Variants in CDH4 observed in about 807,000 individuals in gnomAD.
The protein encoded by CDH4 is cadherin 4, also known as cadherin-4.
CDH4 carries 33 observed loss-of-function variants against 86.0 expected under a neutral mutation model. The ratio of observed to expected loss-of-function variants is 0.38; its 90% CI spans 0.29 to 0.51. The LOEUF is 0.51. Among genes scored for constraint, CDH4 ranks in the 20% least tolerant of loss-of-function variants. CDH4 has a pLI of 0.86. For synonymous variants in CDH4, 555 were observed against 549.4 expected, an observed-to-expected ratio of 1.01 and a Z score of -0.14; for missense variants, 1,114 against 1,307.4, an observed-to-expected ratio of 0.85 and a Z score of 2.28.
rs1325820686 is a variant in CDH4 at position 61,852,792 on chromosome 20, G to A, written c.771G>A (p.Val257=). The A allele has an allele frequency of 1.7e-5, 28 of 1,613,866 alleles. No homozygotes were observed. Among genetic ancestry groups the A allele is most frequent in the Non-Finnish European group, 2.3e-5 (27 of 1,179,928 alleles). Residue 257 remains valine (V), a synonymous_variant, in exon 6 of 16, where the codon GTG becomes GTA. Coordinates refer to ENST00000614565, the MANE Select transcript of CDH4 (RefSeq NM_001794.5). ...CTGTGGACATGAATGGCAACAAGGT[G>A]GAGAACCCCATCGACCTGTACATCT... The part of the protein sequence containing the change: ...AHAVDMNGNK[V]ENPIDLYIYV...
chr20:61,274,099 G>C (rs2084208133), intron 2 of CDH4, among the ~76,000 whole-genome samples: 1 of 135,534 alleles, frequency 7.4e-6, no homozygotes, highest in African/African-American at 2.8e-5. Flanking sequence ...GTTTTGGGGA[G>C]TACTGTGTGC....
rs1049258997 is a variant in CDH4, at chr20:61,623,186, C to T, written c.170-120377C>T. 1.3e-5 allele frequency among the ~76,000 whole-genome samples: 2 copies of T among 152,150 alleles called. No homozygotes were observed. Among genetic ancestry groups the T allele is most frequent in the Admixed American group, 6.5e-5 (1 of 15,280 alleles). The stretch of plus-strand genomic sequence containing the variant: ...AGTAGAAGGGCCTGGGTTCAAATCT[C>T]GACCCTGCCTATGCCAGCCGCTGGC... On this transcript the variant is annotated intron_variant, in intron 2 of 15. Coordinates refer to ENST00000614565, the MANE Select transcript of CDH4 (RefSeq NM_001794.5). The surrounding 1 kb of genome is among the most constrained non-coding windows in gnomAD (Gnocchi z 4.4).
rs970664463 is a variant in CDH4 at position 61,566,896 on chromosome 20, C to A, written c.170-176667C>A. Among the ~76,000 whole-genome samples the A allele has an allele frequency of 2.6e-5, 4 of 152,028 alleles. No individual in the cohort carries two copies. In the East Asian group the frequency reaches 7.8e-4, roughly 29 times the overall value. On this transcript the variant is annotated intron_variant, in intron 2 of 15. Transcript: ENST00000614565. ...GATGGCACGCGGCTCACAGATAATG[C>A]GGGAATGGACTGCGTGTCTTCCTCC... is the stretch of plus-strand genomic sequence containing the variant.
At chr20:61,365,142 G>C (rs1185587431) in intron 2 of CDH4, among the ~76,000 whole-genome samples, 1 of 152,186 alleles carries the variant, frequency 6.6e-6, no homozygotes, top group Non-Finnish European at 1.5e-5. Context: ...CAACTCTACT[G>C]TGTGCTTGGT....
At chr20:61,778,923 G>T (rs890433653) in intron 4 of CDH4, among the ~76,000 whole-genome samples, 1 of 152,190 alleles carries the variant, frequency 6.6e-6, no homozygotes, top group Non-Finnish European at 1.5e-5. Context: ...CGGGCACTGG[G>T]GCTTCAGGGG....
At chr20:61,586,537 G>C (rs2086477192) in intron 2 of CDH4, among the ~76,000 whole-genome samples, 1 of 152,192 alleles carries the variant, frequency 6.6e-6, no homozygotes, top group South Asian at 2.1e-4. Flanking sequence ...GTAACTCAAA[G>C]GCAGATGCCC....
rs146605746 is a variant in CDH4, at chr20:61,297,921, G to A, written c.169+42984G>A. 2.0e-4 allele frequency among the ~76,000 whole-genome samples: 30 copies of A among 152,338 alleles called. No individual in the cohort carries two copies. In the East Asian group the frequency reaches 3.1e-3, roughly 16 times the overall value. On this transcript the variant is annotated intron_variant, in intron 2 of 15. Coordinates refer to ENST00000614565, the MANE Select transcript of CDH4 (RefSeq NM_001794.5). ...AATCGGGCAGTGCTCGCCTGTGGCC[G>A]TGGAGGTATCTGCGCCACCGCAAAA...
At chr20:61,398,146 G>A (rs1205055330) in intron 2 of CDH4, among the ~76,000 whole-genome samples, 3 of 152,164 alleles carry the variant, frequency 2.0e-5, no homozygotes, top group Non-Finnish European at 4.4e-5. Context: ...GCATTCAAGC[G>A]TATCAGTCTT....
intron 7 of CDH4, among the ~76,000 whole-genome samples, chr20:61,890,796 G>C (rs1817747191): frequency 1.3e-5 from 2 of 152,202 alleles, no homozygotes; most frequent in South Asian, 4.2e-4. Context: ...AGCTCTGTTA[G>C]ACACGACTCA....
chr20:61,858,883 G>A (rs1352018696), intron 6 of CDH4, among the ~76,000 whole-genome samples: 1 of 152,098 alleles, frequency 6.6e-6, no homozygotes, highest in African/African-American at 2.4e-5. Context: ...TCCTGCATGG[G>A]GTCTCGTGTG....
intron 2 of CDH4, among the ~76,000 whole-genome samples, chr20:61,666,631 G>A (rs779756474): frequency 6.6e-6 from 1 of 152,232 alleles, no homozygotes; most frequent in Non-Finnish European, 1.5e-5. Context: ...TGCTTCCGGA[G>A]GGCCAGCCCA....
intron 2 of CDH4, among the ~76,000 whole-genome samples, chr20:61,504,497 A>G (rs928247813): frequency 6.6e-5 from 10 of 152,042 alleles, no homozygotes; most frequent in African/African-American, 2.4e-4. Flanking sequence ...AACGGGGGGC[A>G]GGGGGTGGCT....
intron 2 of CDH4, among the ~76,000 whole-genome samples, chr20:61,256,216 G>T (rs1000076801): frequency 6.6e-6 from 1 of 152,136 alleles, no homozygotes; most frequent in Non-Finnish European, 1.5e-5. Context: ...CTCTCAGTGC[G>T]TTGGACGGTC....
chr20:61,382,324 G>C (rs545291941), intron 2 of CDH4, among the ~76,000 whole-genome samples: 1 of 152,188 alleles, frequency 6.6e-6, no homozygotes, highest in East Asian at 1.9e-4. Flanking sequence ...GGTAGGGATC[G>C]TTTCTTCATC....
intron 2 of CDH4, among the ~76,000 whole-genome samples, chr20:61,554,892 CATGT>C (rs1388657396): frequency 6.6e-6 from 1 of 152,044 alleles, no homozygotes; most frequent in Non-Finnish European, 1.5e-5. Flanking sequence ...TCACGTTTTA[CATGT>C]ATGTGTGCAG....
chr20:61,826,757 A>G (rs148474167), intron 4 of CDH4, among the ~76,000 whole-genome samples: 1 of 152,214 alleles, frequency 6.6e-6, no homozygotes, highest in Non-Finnish European at 1.5e-5. Flanking sequence ...CTAGGATAGC[A>G]TTCACTCACC....
chr20:61,341,489 A>G (rs2084648732), intron 2 of CDH4, among the ~76,000 whole-genome samples: 1 of 151,748 alleles, frequency 6.6e-6, no homozygotes, highest in African/African-American at 2.4e-5. Flanking sequence ...CCAAACTGTC[A>G]GGGCAAGATT....
At chr20:61,713,680 G>A (rs2087917703) in intron 2 of CDH4, among the ~76,000 whole-genome samples, 1 of 152,248 alleles carries the variant, frequency 6.6e-6, no homozygotes, top group Non-Finnish European at 1.5e-5. Flanking sequence ...GCCCCCCACT[G>A]CCCTGCTGTA....
chr20:61,405,251 G>A (rs769005364), intron 2 of CDH4, among the ~76,000 whole-genome samples: 6 of 151,350 alleles, frequency 4.0e-5, no homozygotes. Flanking sequence ...TTTCTCCCAC[G>A]CGCCGTTCTC....
Sources: allele counts gnomAD v4.1 joint callset (sites outside exome capture counted in the v4.1 genomes callset), GRCh38; gene constraint gnomAD v4.1.1; non-coding constraint Gnocchi (gnomAD v3.1); transcripts MANE v1.5; gene names NCBI Gene and HGNC (gene_info 2026-07-23, HGNC 2026-07-21).